SIL1: variants seen among roughly 807,000 people sequenced by gnomAD.
SIL1 encodes the protein nucleotide exchange factor SIL1.
A neutral mutation model predicts 49.1 loss-of-function variants in SIL1; 40 were observed. That is an observed-to-expected ratio of 0.81 (90% confidence interval 0.63 to 1.06). The LOEUF is 1.06. Ranked by LOEUF, SIL1 falls within the 50% of genes least tolerant of loss-of-function variation. SIL1 has a pLI of 0.00. For missense variants in SIL1, 500 were observed against 572.6 expected (o/e 0.87, Z 1.29); for synonymous variants, 253 against 250.8 (o/e 1.01, Z -0.08).
intron 1 of SIL1, among the ~76,000 whole-genome samples, chr5:139,192,199 G>A (rs1377840746): frequency 2.0e-5 from 3 of 151,218 alleles, no homozygotes; most frequent in Admixed American, 6.6e-5. Flanking sequence ...AGACTAGCCT[G>A]GGCAACATAG....
intron 3 of SIL1, among the ~76,000 whole-genome samples, chr5:139,102,273 A>G (rs1770603772): frequency 6.6e-6 from 1 of 152,154 alleles, no homozygotes; most frequent in African/African-American, 2.4e-5. Flanking sequence ...TTCAGTCTCC[A>G]TTTCTAAAGG....
chr5:139,083,812 A>G (rs1770148270), intron 3 of SIL1, among the ~76,000 whole-genome samples: 1 of 20,494 alleles, frequency 4.9e-5, no homozygotes, highest in Admixed American at 5.1e-4. Context: ...TTATGGTTTT[A>G]GGTCTAACGT....
chr5:139,075,999 G>A (rs901171583), intron 3 of SIL1, among the ~76,000 whole-genome samples: 1 of 152,170 alleles, frequency 6.6e-6, no homozygotes, highest in Admixed American at 6.5e-5. Flanking sequence ...TGAAATTCCA[G>A]AGAAGCTAGA....
intron 3 of SIL1, among the ~76,000 whole-genome samples, chr5:139,071,141 C>G (rs1396188330): frequency 8.0e-6 from 1 of 125,668 alleles, no homozygotes; most frequent in Non-Finnish European, 1.6e-5. Flanking sequence ...ATGAAATCAG[C>G]AAAATTTAGC....
At chr5:139,095,203 G>A (rs1770428084) in intron 3 of SIL1, among the ~76,000 whole-genome samples, 1 of 151,608 alleles carries the variant, frequency 6.6e-6, no homozygotes, top group African/African-American at 2.4e-5. Context: ...TAGCCCAACT[G>A]GAAAGATGTA....
chr5:139,137,906 C>T (rs549748416), intron 1 of SIL1, among the ~76,000 whole-genome samples: 18 of 151,872 alleles, frequency 1.2e-4, no homozygotes, highest in South Asian at 2.1e-4. Flanking sequence ...CACACACACG[C>T]GCACACACAC....
At chr5:139,064,049 TC>T (rs546134099) in intron 3 of SIL1, among the ~76,000 whole-genome samples, 4 of 152,220 alleles carry the variant, frequency 2.6e-5, no homozygotes, top group Admixed American at 6.5e-5. Flanking sequence ...AATCCTTTTT[TC>T]CCCGTACCCT....
At chr5:139,044,355 G>C (rs548826526) in intron 4 of SIL1, among the ~76,000 whole-genome samples, 1 of 152,028 alleles carries the variant, frequency 6.6e-6, no homozygotes, top group Non-Finnish European at 1.5e-5. Context: ...CCTCCCTCTT[G>C]TAAGACTTGG....
chr5:139,052,865 A>T (rs1033194962), intron 3 of SIL1, among the ~76,000 whole-genome samples: 2 of 152,134 alleles, frequency 1.3e-5, no homozygotes, highest in Non-Finnish European at 2.9e-5. Flanking sequence ...AGCTGAGGAG[A>T]GACTAGGCCA....
At chr5:139,012,922 C>G (rs1314111477) in intron 7 of SIL1, 1 of 152,222 alleles carries the variant, frequency 6.6e-6, no homozygotes, top group Non-Finnish European at 1.5e-5. Flanking sequence ...CCACTGCACT[C>G]TAGGCTTGGG....
chr5:139,179,995 G>A (rs1335120046), intron 1 of SIL1, among the ~76,000 whole-genome samples: 1 of 150,694 alleles, frequency 6.6e-6, no homozygotes, highest in East Asian at 1.9e-4. Context: ...AGTCGAGGCT[G>A]CAGTGAGCCA....
intron 7 of SIL1, among the ~76,000 whole-genome samples, chr5:138,959,806 G>T (rs1276072831): frequency 6.6e-6 from 1 of 152,216 alleles, no homozygotes; most frequent in East Asian, 1.9e-4. Flanking sequence ...GGCTGCCTCT[G>T]CCCCAGGGCC....
intron 1 of SIL1, among the ~76,000 whole-genome samples, chr5:139,145,844 A>G (rs1751185187): frequency 6.6e-6 from 1 of 152,086 alleles, no homozygotes; most frequent in Non-Finnish European, 1.5e-5. Context: ...GGATAGCTTG[A>G]GCCCAGGGGT....
chr5:139,168,171 T>A (rs1320920257), intron 1 of SIL1, among the ~76,000 whole-genome samples: 2 of 152,204 alleles, frequency 1.3e-5, no homozygotes, highest in Non-Finnish European at 2.9e-5. Context: ...GGCTATACCA[T>A]CTAGGTTTAT....
intron 4 of SIL1, 117 bp from the exon 5 acceptor site, chr5:139,042,836 A>G: frequency 1.1e-6 from 1 of 900,704 alleles, no homozygotes; most frequent in Non-Finnish European, 1.8e-6. Flanking sequence ...CCATCTCTAC[A>G]AAAAATTTAA....
At chr5:139,137,954 T>C (rs553590427) in intron 1 of SIL1, among the ~76,000 whole-genome samples, 1 of 151,154 alleles carries the variant, frequency 6.6e-6, no homozygotes, top group Non-Finnish European at 1.5e-5. Context: ...CTAAATGCCC[T>C]TGGCACAGAC....
Position 139,142,437 on chromosome 5 carries a change from C to G in SIL1, c.-10-14584G>C, listed in dbSNP as rs140085674. On this transcript the variant is annotated intron_variant, in intron 1 of 9. Coordinates refer to ENST00000394817, the MANE Select transcript of SIL1 (RefSeq NM_022464.5). ...TCAGCAGCATATTAAGAGAATTATA[C>G]AACATGATCAAGTGGTGTTTTATCC... 1.5e-3 allele frequency among the ~76,000 whole-genome samples: 231 copies of G among 152,250 alleles called. 1 individual carries two copies. The highest frequency in any genetic ancestry group is 2.4e-3 in the Non-Finnish European group (165 of 68,014).
At chr5:139,002,491 T>TA (rs577873393) in intron 7 of SIL1, among the ~76,000 whole-genome samples, 6 of 152,142 alleles carry the variant, frequency 3.9e-5, no homozygotes, top group African/African-American at 1.4e-4. Flanking sequence ...AAGTATCTCA[T>TA]AAAAAAATAG....
At chr5:138,968,318 C>T (rs1341545394) in intron 7 of SIL1, among the ~76,000 whole-genome samples, 1 of 152,128 alleles carries the variant, frequency 6.6e-6, no homozygotes, top group Non-Finnish European at 1.5e-5. Flanking sequence ...GCAGGCTCAG[C>T]GTTTCCATTC....
Sources: gnomAD v4.1 joint callset for allele counts (sites outside exome capture counted in the v4.1 genomes callset) on GRCh38, gnomAD v4.1.1 for gene constraint, MANE v1.5 for transcripts, NCBI Gene and HGNC (gene_info 2026-07-23, HGNC 2026-07-21) for gene names.